Variants in GRAMD1B observed in about 807,000 individuals in gnomAD.
GRAMD1B encodes GRAM domain containing 1B.
A neutral mutation model predicts 99.7 loss-of-function variants in GRAMD1B; 37 were observed. That is an observed-to-expected ratio of 0.37 (90% CI 0.29 to 0.49). The LOEUF is 0.49. Ranked by LOEUF, GRAMD1B falls within the 20% of genes least tolerant of loss-of-function variation. The pLI is 0.98. For missense variants in GRAMD1B, 888 were observed against 1,009.2 expected (o/e 0.88, Z 1.63); for synonymous variants, 427 against 387.6 (o/e 1.10, Z -1.19).
Position 123,587,274 on chromosome 11 carries a change from G to C in GRAMD1B, c.684+2942G>C, listed in dbSNP as rs554602866. On this transcript the variant is annotated intron_variant, in intron 4 of 19. Transcript: ENST00000635736. The surrounding 1 kb of genome is among the most constrained non-coding windows in gnomAD (Gnocchi z 4.2). The stretch of plus-strand genomic sequence containing the variant: ...AGAGGCCATAGCAGGAGAGTGTCAG[G>C]TCCAGAGTGGGGTTTGAAGGCAGTG... 6.6e-6 allele frequency among the ~76,000 whole-genome samples: 1 copy of C among 152,290 alleles called. No homozygotes were observed. Among genetic ancestry groups the C allele is most frequent in the African/African-American group, 2.4e-5 (1 of 41,556 alleles).
Position 123,489,548 on chromosome 11 carries a change from A to G in GRAMD1B, c.452+8655A>G, listed in dbSNP as rs187332588. 2.6e-5 allele frequency among the ~76,000 whole-genome samples: 4 copies of G among 152,338 alleles called. No individual in the cohort carries two copies. The East Asian group carries it at 7.7e-4, about 29-fold the overall frequency. On this transcript the variant is annotated intron_variant, in intron 2 of 19. Transcript: ENST00000635736. ...AGCAAGAAAGAATAGTTAAAAGGGT[A>G]GAAATAGGTAAGAAAAGGACTAAAA...
intron 1 of GRAMD1B, among the ~76,000 whole-genome samples, chr11:123,396,029 T>TG (rs1385755398): frequency 6.6e-6 from 1 of 152,154 alleles, no homozygotes; most frequent in Non-Finnish European, 1.5e-5. Flanking sequence ...GGTCATTCTT[T>TG]GAAAAACTGA....
At chr11:123,410,562 A>T (rs1048572683) in intron 1 of GRAMD1B, among the ~76,000 whole-genome samples, 1 of 152,116 alleles carries the variant, frequency 6.6e-6, no homozygotes, top group Non-Finnish European at 1.5e-5. Context: ...CCCTGGAACC[A>T]GTCCCCTTCT....
At chr11:123,417,540 C>A (rs56361582) in intron 1 of GRAMD1B, among the ~76,000 whole-genome samples, 2,840 of 152,252 alleles carry the variant, frequency 0.019, 82 homozygotes, top group African/African-American at 0.064. Flanking sequence ...AAGCAAATCA[C>A]GTGAGAACAT....
intron 2 of GRAMD1B, among the ~76,000 whole-genome samples, chr11:123,508,198 A>G (rs1434572331): frequency 6.6e-6 from 1 of 152,208 alleles, no homozygotes; most frequent in Non-Finnish European, 1.5e-5. Context: ...GGAGTCCAAA[A>G]GCATAACACC....
At chr11:123,426,502 G>A (rs1246431043), upstream of GRAMD1B, among the ~76,000 whole-genome samples, 1 of 152,166 alleles carries the variant, frequency 6.6e-6, no homozygotes, top group Non-Finnish European at 1.5e-5. Context: ...CCACGTTTCT[G>A]TCCGTATTTC....
At chr11:123,418,223 G>T (rs761902173) in intron 1 of GRAMD1B, among the ~76,000 whole-genome samples, 2 of 152,170 alleles carry the variant, frequency 1.3e-5, no homozygotes, top group Admixed American at 6.5e-5. Context: ...ACGGAAAACC[G>T]TGGAAGAGGA....
chr11:123,562,952 C>T (rs17127462), intron 2 of GRAMD1B, among the ~76,000 whole-genome samples: 7 of 152,240 alleles, frequency 4.6e-5, no homozygotes, highest in Non-Finnish European at 2.9e-5. Context: ...AGTGATGATT[C>T]TGCTCTATTC....
At chr11:123,497,273 C>T (rs77896186) in intron 2 of GRAMD1B, among the ~76,000 whole-genome samples, 1,732 of 152,298 alleles carry the variant, frequency 0.011, 42 homozygotes, top group African/African-American at 0.039. Context: ...CAAACAAATG[C>T]AGTTTCTCAC....
intron 2 of GRAMD1B, among the ~76,000 whole-genome samples, chr11:123,483,396 T>C (rs1240474905): frequency 4.0e-5 from 6 of 150,260 alleles, no homozygotes; most frequent in East Asian, 3.9e-4. Flanking sequence ...TTTTTCTTTT[T>C]TTTTTTTTTT....
chr11:123,437,710 A>G (rs898205247), intron 1 of GRAMD1B, among the ~76,000 whole-genome samples: 1 of 152,208 alleles, frequency 6.6e-6, no homozygotes, highest in Non-Finnish European at 1.5e-5. Flanking sequence ...ATGCTAGGCT[A>G]GGTCATCTCT....
chr11:123,574,599 G>A (rs1194322596), intron 2 of GRAMD1B, among the ~76,000 whole-genome samples: 4 of 152,292 alleles, frequency 2.6e-5, no homozygotes, highest in Non-Finnish European at 2.9e-5. Flanking sequence ...GAAGAGAGGG[G>A]TCTGCAGCCT....
intron 1 of GRAMD1B, among the ~76,000 whole-genome samples, chr11:123,365,230 C>T (rs1946277458): frequency 1.3e-5 from 2 of 151,496 alleles, no homozygotes; most frequent in Non-Finnish European, 1.5e-5. Context: ...CTTGTAGATT[C>T]TACCCTACAT....
chr11:123,563,997 G>C (rs77092126), intron 2 of GRAMD1B, among the ~76,000 whole-genome samples: 1,783 of 152,266 alleles, frequency 0.012, 43 homozygotes, highest in African/African-American at 0.04. Flanking sequence ...GTTATAGCAG[G>C]AAAATAAATC....
chr11:123,417,993 G>A lies in GRAMD1B; in HGVS notation c.-176+59194G>A, dbSNP rs1948290602. 2.6e-5 allele frequency among the ~76,000 whole-genome samples: 4 copies of A among 152,160 alleles called. No individual in the cohort carries two copies. In the South Asian group the frequency reaches 8.3e-4, roughly 32 times the overall value. The stretch of plus-strand genomic sequence containing the variant: ...TTGCCCAGGCTGGTCTCAAACTCCT[G>A]TCCTCAAGCAGCCCTCCCACCTTGG... On this transcript the variant is annotated intron_variant, in intron 1 of 20. Transcript: ENST00000638157.
intron 1 of GRAMD1B, among the ~76,000 whole-genome samples, chr11:123,456,435 C>T (rs975614136): frequency 2.0e-5 from 3 of 152,152 alleles, no homozygotes; most frequent in Admixed American, 6.5e-5. Flanking sequence ...TGTGACTTTA[C>T]ACTTGTCATT....
intron 1 of GRAMD1B, among the ~76,000 whole-genome samples, chr11:123,417,379 A>C (rs759642963): frequency 2.0e-5 from 3 of 152,212 alleles, no homozygotes; most frequent in Non-Finnish European, 4.4e-5. Flanking sequence ...TTTCAAAGAA[A>C]AAAGAAAAAA....
chr11:123,549,591 A>G (rs1245561075), intron 2 of GRAMD1B, among the ~76,000 whole-genome samples: 1 of 152,112 alleles, frequency 6.6e-6, no homozygotes, highest in Non-Finnish European at 1.5e-5. Flanking sequence ...TGACCTACAG[A>G]GTCATCTAAG....
chr11:123,392,841 A>T (rs1467423987), intron 1 of GRAMD1B, among the ~76,000 whole-genome samples: 1 of 152,216 alleles, frequency 6.6e-6, no homozygotes, highest in Non-Finnish European at 1.5e-5. Flanking sequence ...GCTGCCTGTG[A>T]GTCTGTTACA....
Sources: gnomAD v4.1 joint callset for allele counts (sites outside exome capture counted in the v4.1 genomes callset) on GRCh38, gnomAD v4.1.1 for gene constraint, Gnocchi (gnomAD v3.1) non-coding constraint, MANE v1.5 for transcripts, NCBI Gene and HGNC (gene_info 2026-07-23, HGNC 2026-07-21) for gene names.